The following RASSF9 variants were observed in gnomAD, a reference collection of about 807,000 sequenced individuals.
The protein encoded by RASSF9 is ras association domain-containing protein 9.
Under a neutral mutation model 21.4 loss-of-function variants are expected in RASSF9, and 18 were observed. The ratio of observed to expected loss-of-function variants is 0.84; its 90% CI spans 0.58 to 1.25. RASSF9 has a LOEUF of 1.25. RASSF9 is among the 50% of genes most tolerant of loss of function. The pLI, the probability that RASSF9 is intolerant of heterozygous loss-of-function variation, is 0.00. For missense variants in RASSF9, 480 were observed against 503.2 expected, an observed-to-expected ratio of 0.95 and a Z score of 0.44; for synonymous variants, 183 against 179.1, an observed-to-expected ratio of 1.02 and a Z score of -0.18.
chr12:85,805,237 T>G lies in RASSF9; in HGVS notation c.773A>C (p.Glu258Ala), dbSNP rs533162211. The change falls in exon 2 of 2, where the codon GAG becomes GCG. Residue 258 changes from glutamate (E) to alanine (A), a missense_variant. Transcript: ENST00000361228. ...AATTCCATCACTTTCGCTCAGGTCC[T>G]CCAGAGTCTGGTTTTCCTCATACTG... ...DLQYEENQTL[E>A]DLSESDGIEQ... 1.9e-6 allele frequency: 3 copies of G among 1,613,678 alleles called. No individual in the cohort carries two copies. In the African/African-American group the frequency reaches 4.0e-5, roughly 22 times the overall value.
intron 1 of RASSF9, among the ~76,000 whole-genome samples, chr12:85,817,708 TA>T (rs1880106707): frequency 6.6e-6 from 1 of 152,034 alleles, no homozygotes; most frequent in Non-Finnish European, 1.5e-5. Flanking sequence ...ATTAAGGTTA[TA>T]AAAGAAATGG....
At chr12:85,815,047 G>T (rs1435385078) in intron 1 of RASSF9, among the ~76,000 whole-genome samples, 1 of 151,872 alleles carries the variant, frequency 6.6e-6, no homozygotes, top group Non-Finnish European at 1.5e-5. Flanking sequence ...GACAAACAAA[G>T]ATCAGAATTA....
chr12:85,819,318 C>T (rs1180743790), intron 1 of RASSF9, among the ~76,000 whole-genome samples: 1 of 151,882 alleles, frequency 6.6e-6, no homozygotes, highest in Non-Finnish European at 1.5e-5. Context: ...GGATTACAGG[C>T]ACGAGCCACA....
chr12:85,818,523 T>G (rs1289051151), intron 1 of RASSF9, among the ~76,000 whole-genome samples: 1 of 152,204 alleles, frequency 6.6e-6, no homozygotes, highest in Non-Finnish European at 1.5e-5. Flanking sequence ...CATAAAAACA[T>G]AAGACAATAT....
At chr12:85,811,036 C>A (rs116858081) in intron 1 of RASSF9, among the ~76,000 whole-genome samples, 1,991 of 151,892 alleles carry the variant, frequency 0.013, 14 homozygotes, top group Non-Finnish European at 0.021. Flanking sequence ...CAAATATTTT[C>A]CAATTTATAT....
Position 85,802,255 on chromosome 12 carries a change from C to T in RASSF9, c.*2447G>A, listed in dbSNP as rs1879720486. ...GTTCTATACTTATAATTCCAATTCT[C>T]ACTTAATTTAATAACAAATAGTTCA... On this transcript the variant is annotated 3_prime_UTR_variant, in exon 2 of 2. Transcript: ENST00000361228. The T allele has an allele frequency of 6.6e-6, 1 of 152,164 alleles. No homozygotes were observed. Among genetic ancestry groups the T allele is most frequent in the Admixed American group, 6.5e-5 (1 of 15,278 alleles). 9.4% of individuals were successfully genotyped at this position (152,164 alleles called of 1,614,324 possible). A position where few individuals can be genotyped will look rare whatever the true frequency, so the allele number is the denominator to read the frequency against.
Position 85,805,508 on chromosome 12 carries a change from G to C in RASSF9, c.502C>G (p.Leu168Val). 6.2e-7 allele frequency: 1 copy of C among 1,613,934 alleles called. No homozygotes were observed. The highest frequency in any genetic ancestry group is 8.5e-7 in the Non-Finnish European group (1 of 1,179,880). ...KRIVRKTFRK[L>V]AKIKQDTVSH... ...ACTGTGTCCTGCTTAATTTTAGCCAGTTTCCGGAAAGTTTTCCTGACTATT... is the reference window on the plus strand; with the variant it reads ...ACTGTGTCCTGCTTAATTTTAGCCACTTTCCGGAAAGTTTTCCTGACTATT... Residue 168 changes from leucine (L) to valine (V), a missense_variant, in exon 2 of 2, where the codon CTG becomes GTG. Coordinates refer to ENST00000361228, the MANE Select transcript of RASSF9 (RefSeq NM_005447.4).
In RASSF9 at chr12:85,803,586, C is replaced by T. The variant is rs1315212063; in HGVS notation, c.*1116G>A. 4 of 152,060 alleles carry T rather than the reference C, an allele frequency of 2.6e-5. No homozygotes were observed. Among genetic ancestry groups the T allele is most frequent in the African/African-American group, 7.2e-5 (3 of 41,406 alleles). 9.4% of individuals were successfully genotyped at this position (152,060 alleles called of 1,614,324 possible). A position where few individuals can be genotyped will look rare whatever the true frequency, so the allele number is the denominator to read the frequency against. On this transcript the variant is annotated 3_prime_UTR_variant, in exon 2 of 2. Coordinates refer to ENST00000361228, the MANE Select transcript of RASSF9 (RefSeq NM_005447.4). ...AAGGGAGAGAGAAGAAAGCACATTT[C>T]TAATTAAAACACAAGCATAGTAGGC...
intron 1 of RASSF9, among the ~76,000 whole-genome samples, chr12:85,827,208 A>T (rs1021568140): frequency 6.6e-6 from 1 of 152,138 alleles, no homozygotes; most frequent in Non-Finnish European, 1.5e-5. Flanking sequence ...TCTTCCCAAC[A>T]TCTTCTGTTT....
chr12:85,804,343 T>C lies in RASSF9; in HGVS notation c.*359A>G, dbSNP rs1879765978. On this transcript the variant is annotated 3_prime_UTR_variant, in exon 2 of 2. Coordinates refer to ENST00000361228, the MANE Select transcript of RASSF9 (RefSeq NM_005447.4). Reference sequence around the variant, plus strand: ...TTACAGCACATTTTAATTCTACTTCTTCATGTTTGAATATTTGGACTGTCT... The same window carrying C: ...TTACAGCACATTTTAATTCTACTTCCTCATGTTTGAATATTTGGACTGTCT... 5.6e-6 allele frequency: 1 copy of C among 177,944 alleles called. No individual in the cohort carries two copies. The highest frequency in any genetic ancestry group is 1.8e-4 in the South Asian group (1 of 5,684). 11.0% of individuals were successfully genotyped at this position (177,944 alleles called of 1,614,324 possible).
At chr12:85,820,432 C>T (rs1474592553) in intron 1 of RASSF9, among the ~76,000 whole-genome samples, 1 of 152,124 alleles carries the variant, frequency 6.6e-6, no homozygotes, top group African/African-American at 2.4e-5. Context: ...GATGTTGTTA[C>T]ATCATAAAGC....
At chr12:85,818,419 A>G (rs528339873) in intron 1 of RASSF9, among the ~76,000 whole-genome samples, 29 of 152,328 alleles carry the variant, frequency 1.9e-4, no homozygotes, top group African/African-American at 6.0e-4. Context: ...TAAATCCAAT[A>G]TAATAATCAA....
intron 1 of RASSF9, among the ~76,000 whole-genome samples, chr12:85,829,550 T>C (rs1384079346): frequency 6.6e-6 from 1 of 152,116 alleles, no homozygotes; most frequent in Non-Finnish European, 1.5e-5. Flanking sequence ...TGGATTCTTT[T>C]CTTTTGATTA....
chr12:85,805,259 A>T lies in RASSF9; in HGVS notation c.751T>A (p.Tyr251Asn). Residue 251 changes from tyrosine to asparagine, a missense_variant, in exon 2 of 2, where the codon TAT becomes AAT. Transcript: ENST00000361228. ...TCCTCCAGAGTCTGGTTTTCCTCAT[A>T]CTGCAAGTCTAGATTTTGCTCAACT... ...SEVEQNLDLQ[Y>N]EENQTLEDLS... 6.2e-7 allele frequency: 1 copy of T among 1,613,560 alleles called. No individual in the cohort carries two copies. Among genetic ancestry groups the T allele is most frequent in the Non-Finnish European group, 8.5e-7 (1 of 1,179,872 alleles).
chr12:85,833,862 T>C (rs1880506081), intron 1 of RASSF9, among the ~76,000 whole-genome samples: 1 of 152,036 alleles, frequency 6.6e-6, no homozygotes. Flanking sequence ...CAGATAACTG[T>C]CTTATCATAA....
At position 85,805,171 on chromosome 12, in the gene RASSF9, A is replaced by G. The variant is rs1879792465; in HGVS notation, c.839T>C (p.Ile280Thr). Reference sequence around the variant, plus strand: ...TTCTATTTCAGCAGAGAGCTTATCAATGAGTATTCGGTAATATTTCAGTCG... The same window carrying G: ...TTCTATTTCAGCAGAGAGCTTATCAGTGAGTATTCGGTAATATTTCAGTCG... The part of the protein sequence containing the change: ...EERLKYYRIL[I>T]DKLSAEIEKE... Residue 280 changes from isoleucine (I) to threonine (T), a missense_variant, in exon 2 of 2, where the codon ATT becomes ACT. By Grantham distance (89) the Ile-to-Thr change is moderately conservative (BLOSUM62 -1). Transcript: ENST00000361228. 6.2e-7 allele frequency: 1 copy of G among 1,613,912 alleles called. No individual in the cohort carries two copies. Among genetic ancestry groups the G allele is most frequent in the Non-Finnish European group, 8.5e-7 (1 of 1,179,890 alleles).
In RASSF9 at chr12:85,805,739, GA is replaced by G. The variant is rs758464143; in HGVS notation, c.270del (p.Pro91LeufsTer3). 1 of 1,613,848 alleles carries G rather than the reference GA, an allele frequency of 6.2e-7. No homozygotes were observed. The highest frequency in any genetic ancestry group is 8.5e-7 in the Non-Finnish European group (1 of 1,179,848). The stretch of plus-strand genomic sequence containing the variant: ...AGCTTCAGGATTCTAGTTAGTGGAG[GA>G]AGAACCCTTTCGGAGCCTCTCCACT... ...IEKWRGSERV[L>X]PPLTRILKLW... is the part of the protein sequence containing the mutation. On this transcript the variant is annotated frameshift_variant, in exon 2 of 2. Transcript: ENST00000361228. LOFTEE classifies it high-confidence loss of function.
At chr12:85,809,244 T>C (rs1565752266) in intron 1 of RASSF9, among the ~76,000 whole-genome samples, 1 of 152,152 alleles carries the variant, frequency 6.6e-6, no homozygotes, top group South Asian at 2.1e-4. Flanking sequence ...ATAAGTTTTA[T>C]AATTTAGATA....
rs971773730 is a variant in RASSF9 at position 85,830,133 on chromosome 12, G to A, written c.47+6022C>T. Among the ~76,000 whole-genome samples the A allele has an allele frequency of 1.2e-4, 19 of 152,208 alleles. No homozygotes were observed. The South Asian group carries it at 3.7e-3, about 30-fold the overall frequency. On this transcript the variant is annotated intron_variant, in intron 1 of 1. Coordinates refer to ENST00000361228, the MANE Select transcript of RASSF9 (RefSeq NM_005447.4). ...TCCACATTCAACAGTGAGGTCTGTGGAATCCATTCAGTCTCACCCACCCAA... is the reference window on the plus strand; with the variant it reads ...TCCACATTCAACAGTGAGGTCTGTGAAATCCATTCAGTCTCACCCACCCAA...
Sources: allele counts gnomAD v4.1 joint callset (sites outside exome capture counted in the v4.1 genomes callset), GRCh38; gene constraint gnomAD v4.1.1; transcripts MANE v1.5; gene names NCBI Gene and HGNC (gene_info 2026-07-23, HGNC 2026-07-21).